CNBD1: variants seen among roughly 807,000 people sequenced by gnomAD.
CNBD1 encodes cyclic nucleotide binding domain containing 1.
A neutral mutation model predicts 54.4 loss-of-function variants in CNBD1; 71 were observed. That is an observed-to-expected ratio of 1.30 (90% CI 1.08 to 1.59). CNBD1 has a LOEUF of 1.59. Ranked by LOEUF, CNBD1 falls within the 40% of genes most tolerant of loss-of-function variation. CNBD1 has a pLI of 0.00. For synonymous variants in CNBD1, 182 were observed against 170.7 expected, an observed-to-expected ratio of 1.07 and a Z score of -0.51; for missense variants, 659 against 518.0, an observed-to-expected ratio of 1.27 and a Z score of -2.64.
At chr8:87,388,054 A>C (rs1003189014) in intron 2 of CNBD1, among the ~76,000 whole-genome samples, 6 of 152,284 alleles carry the variant, frequency 3.9e-5, no homozygotes, top group African/African-American at 7.2e-5. Flanking sequence ...TCTTTGAAAC[A>C]AACGAGAACA....
intron 4 of CNBD1, among the ~76,000 whole-genome samples, chr8:86,950,444 A>G (rs1170848572): frequency 6.6e-6 from 1 of 152,118 alleles, no homozygotes; most frequent in Non-Finnish European, 1.5e-5. Flanking sequence ...GATGTATCAC[A>G]TTGATTGATT....
At chr8:87,392,752 G>A (rs1811333398) in intron 2 of CNBD1, among the ~76,000 whole-genome samples, 1 of 151,840 alleles carries the variant, frequency 6.6e-6, no homozygotes. Flanking sequence ...GCCCAACTCT[G>A]TGAATATAAT....
intron 8 of CNBD1, among the ~76,000 whole-genome samples, chr8:87,290,379 T>G (rs1482178525): frequency 6.6e-6 from 1 of 152,142 alleles, no homozygotes; most frequent in African/African-American, 2.4e-5. Context: ...CAATATCAGT[T>G]TTCTCCCACC....
intron 8 of CNBD1, among the ~76,000 whole-genome samples, chr8:87,337,348 A>G (rs1408425330): frequency 6.6e-6 from 1 of 152,118 alleles, no homozygotes; most frequent in African/African-American, 2.4e-5. Flanking sequence ...TACCCCTCCA[A>G]CTAGGTCCTC....
intron 1 of CNBD1, among the ~76,000 whole-genome samples, chr8:86,881,947 GA>G (rs1808611774): frequency 6.6e-6 from 1 of 152,028 alleles, no homozygotes; most frequent in Non-Finnish European, 1.5e-5. Flanking sequence ...TGGGAATAGG[GA>G]AAACTGGGTA....
At chr8:87,364,388 C>T (rs1015709349) in intron 10 of CNBD1, among the ~76,000 whole-genome samples, 21 of 151,684 alleles carry the variant, frequency 1.4e-4, no homozygotes, top group Non-Finnish European at 2.4e-4. Context: ...TGTTTTTGCT[C>T]GAGTTTGGCT....
chr8:86,897,809 A>G (rs115238913), intron 2 of CNBD1, among the ~76,000 whole-genome samples: 3,173 of 152,280 alleles, frequency 0.021, 106 homozygotes, highest in African/African-American at 0.073. Context: ...TAGAGAGTGC[A>G]TTATGTGTTT....
Position 87,359,390 on chromosome 8 carries a change from G to T in CNBD1, c.1303+5604G>T, listed in dbSNP as rs572224249. Among the ~76,000 whole-genome samples the T allele has an allele frequency of 6.6e-5, 10 of 152,156 alleles. No homozygotes were observed. The South Asian group carries it at 2.1e-3, about 32-fold the overall frequency. On this transcript the variant is annotated intron_variant, in intron 10 of 10. Coordinates refer to ENST00000518476, the MANE Select transcript of CNBD1 (RefSeq NM_173538.3). ...AATTGAATATTCTCTAAATAGAAAT[G>T]TGCTTGAGGACTAGATTTTGCTTGT...
At chr8:87,215,587 C>CA (rs548146567) in intron 5 of CNBD1, among the ~76,000 whole-genome samples, 7,215 of 63,136 alleles carry the variant, frequency 0.11, 256 homozygotes, top group African/African-American at 0.19. Context: ...GACTCCTTCT[C>CA]AAAAAAAAAA....
chr8:87,288,259 C>A (rs1443161966), intron 8 of CNBD1, among the ~76,000 whole-genome samples: 2 of 151,842 alleles, frequency 1.3e-5, no homozygotes, highest in Non-Finnish European at 2.9e-5. Context: ...ACCATATTTG[C>A]TATTTTTCAT....
chr8:87,325,563 T>C (rs1262614276), intron 8 of CNBD1, among the ~76,000 whole-genome samples: 1 of 129,188 alleles, frequency 7.7e-6, no homozygotes, highest in Non-Finnish European at 1.6e-5. Flanking sequence ...TGTAATGGCC[T>C]TCTTTGTCTC....
At chr8:87,309,087 G>T (rs532418166) in intron 8 of CNBD1, among the ~76,000 whole-genome samples, 1 of 152,024 alleles carries the variant, frequency 6.6e-6, no homozygotes, top group East Asian at 1.9e-4. Flanking sequence ...GCTGATTTTC[G>T]TTCTTTTGGG....
At chr8:87,380,735 T>C (rs1237507167) in intron 10 of CNBD1, among the ~76,000 whole-genome samples, 1 of 152,010 alleles carries the variant, frequency 6.6e-6, no homozygotes, top group East Asian at 1.9e-4. Flanking sequence ...TTTACCTCCT[T>C]AGCTAAGTTT....
chr8:86,961,772 T>C (rs1033719300), intron 4 of CNBD1, among the ~76,000 whole-genome samples: 2 of 152,254 alleles, frequency 1.3e-5, no homozygotes, highest in Admixed American at 1.3e-4. Flanking sequence ...AGCCATGAAG[T>C]AAAAGGCATT....
intron 6 of CNBD1, among the ~76,000 whole-genome samples, chr8:87,256,015 A>ATATATAT (rs1563526157): frequency 6.3e-5 from 1 of 15,786 alleles, no homozygotes. Context: ...ATATATATAT[A>ATATATAT]TTTTTTTTTT....
intron 5 of CNBD1, among the ~76,000 whole-genome samples, chr8:87,229,271 T>TC (rs1168325306): frequency 2.6e-5 from 4 of 151,936 alleles, no homozygotes; most frequent in Admixed American, 1.3e-4. Flanking sequence ...TCTTGGCTCC[T>TC]CCCCCCGATT....
At chr8:87,319,993 G>A (rs1054901051) in intron 8 of CNBD1, among the ~76,000 whole-genome samples, 1 of 152,002 alleles carries the variant, frequency 6.6e-6, no homozygotes, top group African/African-American at 2.4e-5. Flanking sequence ...ATTTCAAAAA[G>A]TATGTCCCCT....
rs191425749 is a variant in CNBD1, at chr8:87,033,035, T to C, written c.431+93281T>C. Among the ~76,000 whole-genome samples the C allele has an allele frequency of 1.9e-3, 289 of 152,166 alleles. 1 individual carries two copies. The highest frequency in any genetic ancestry group is 7.0e-3 in the Admixed American group (107 of 15,296). On this transcript the variant is annotated intron_variant, in intron 4 of 10. Coordinates refer to ENST00000518476, the MANE Select transcript of CNBD1 (RefSeq NM_173538.3). The stretch of plus-strand genomic sequence containing the variant: ...CCTTGATTGACTCTATCATAAACCC[T>C]GTGAAGTCATACACAACATCTGTAC...
At chr8:87,342,251 C>T (rs1476552620) in intron 8 of CNBD1, among the ~76,000 whole-genome samples, 1 of 148,042 alleles carries the variant, frequency 6.8e-6, no homozygotes. Context: ...CCAGCCTGGG[C>T]AACAGAGCAA....
Sources: allele counts gnomAD v4.1 joint callset (sites outside exome capture counted in the v4.1 genomes callset), GRCh38; gene constraint gnomAD v4.1.1; transcripts MANE v1.5; gene names NCBI Gene and HGNC (gene_info 2026-07-23, HGNC 2026-07-21).